ZNF880: variants seen among roughly 807,000 people sequenced by gnomAD.
ZNF880 encodes the protein zinc finger protein 880, also known as zinc finger protein LOC400713.
ZNF880 carries 12 observed loss-of-function variants against 11.8 expected under a neutral mutation model. The ratio of observed to expected loss-of-function variants is 1.02; its 90% CI spans 0.65 to 1.65. The LOEUF (loss-of-function observed/expected upper bound fraction) is 1.65. Among genes scored for constraint, ZNF880 ranks in the 40% most tolerant of loss-of-function variants. ZNF880 has a pLI of 0.00. For synonymous variants in ZNF880, 210 were observed against 232.4 expected, an observed-to-expected ratio of 0.90 and a Z score of 0.88; for missense variants, 601 against 673.9, an observed-to-expected ratio of 0.89 and a Z score of 1.20.
At chr19:52,397,565 C>G in the ZNF880 span, 1 of 151,972 alleles carries the variant, frequency 6.6e-6, no homozygotes, top group Non-Finnish European at 1.5e-5. Context: ...TACTCTCTCT[C>G]TTCTCTCTCT....
chr19:52,366,949 A>C, upstream of ZNF880: 1 of 573,922 alleles, frequency 1.7e-6, no homozygotes, highest in South Asian at 2.5e-5. Flanking sequence ...ATATATAAAT[A>C]ATCTATAAAG....
the ZNF880 span, among the ~76,000 whole-genome samples, chr19:52,393,065 T>C: frequency 2.9e-5 from 4 of 138,768 alleles, no homozygotes; most frequent in African/African-American, 1.1e-4. Context: ...TAAATCCTGT[T>C]AGTTTTTTTT....
upstream of ZNF880, chr19:52,369,896 C>T (rs965769527): frequency 1.5e-5 from 23 of 1,548,720 alleles, no homozygotes; most frequent in Middle Eastern, 5.0e-4. Flanking sequence ...CGGGCCTGGC[C>T]TCGCCTCGCC....
chr19:52,376,424 G>A (rs1986552102), intron 3 of ZNF880, among the ~76,000 whole-genome samples: 1 of 150,086 alleles, frequency 6.7e-6, no homozygotes, highest in Non-Finnish European at 1.5e-5. Flanking sequence ...GTGATGTGGA[G>A]TCTTTCTTCA....
Position 52,384,747 on chromosome 19 carries a change from C to G in ZNF880, c.1167C>G (p.Phe389Leu), listed in dbSNP as rs764874936. The G allele has an allele frequency of 7.1e-6, 9 of 1,261,792 alleles. No individual in the cohort carries two copies. The East Asian group carries it at 2.3e-4, about 32-fold the overall frequency. 78.2% of individuals were successfully genotyped at this position (1,261,792 alleles called of 1,614,324 possible). The change falls in exon 4 of 4, where the codon TTC (phenylalanine) becomes TTG (leucine). Residue 389 changes from phenylalanine to leucine, a missense_variant. Physicochemically the swap from Phe to Leu is conservative, Grantham distance 22. This residue lies in a region of ZNF880 where 4 missense variants were observed against 16.7 expected (regional missense o/e 0.24). Transcript: ENST00000422689. ...AATGTAAAGAATGTGGCAAGGTCTTCAGGCACAAGTTTTGTCTAACCAATC... is the reference window on the plus strand; with the variant it reads ...AATGTAAAGAATGTGGCAAGGTCTTGAGGCACAAGTTTTGTCTAACCAATC... ...PYECKECGKVFRHKFCLTNHH... is the reference protein window; with the variant it reads ...PYECKECGKVLRHKFCLTNHH...
the ZNF880 span, chr19:52,397,183 C>G: frequency 6.7e-6 from 1 of 148,886 alleles, no homozygotes; most frequent in South Asian, 2.2e-4. Context: ...GGTGACTTAT[C>G]TTCACACTGG....
chr19:52,375,979 G>GT (rs1262431697), intron 3 of ZNF880, among the ~76,000 whole-genome samples: 1 of 152,150 alleles, frequency 6.6e-6, no homozygotes, highest in East Asian at 1.9e-4. Flanking sequence ...TTCTATCCAG[G>GT]TTGCTGCAAA....
chr19:52,369,808 C>G, upstream of ZNF880: 1 of 822,542 alleles, frequency 1.2e-6, no homozygotes, highest in Non-Finnish European at 2.0e-6. Flanking sequence ...CTTCCAGTCT[C>G]CACGGCAGGT....
At chr19:52,393,277 T>A in the ZNF880 span, among the ~76,000 whole-genome samples, 2 of 151,604 alleles carry the variant, frequency 1.3e-5, no homozygotes, top group Non-Finnish European at 2.9e-5. Flanking sequence ...TTCACCAAGT[T>A]GGCCAGGCTG....
At chr19:52,372,627 T>C (rs116083438) in intron 1 of ZNF880, among the ~76,000 whole-genome samples, 3,912 of 147,392 alleles carry the variant, frequency 0.027, 164 homozygotes, top group African/African-American at 0.092. Flanking sequence ...AGGTTGGGCA[T>C]GCAGTGGCTC....
chr19:52,389,232 T>C (rs1055125727), downstream of ZNF880: 7 of 152,198 alleles, frequency 4.6e-5, no homozygotes, highest in South Asian at 4.1e-4. Flanking sequence ...CAAAGTCTTA[T>C]TTCAGCATTA....
rs759826917 is a variant in ZNF880 at position 52,384,280 on chromosome 19, C to T, written c.700C>T (p.His234Tyr). ...AAACCTTGTACAACATCAAAGAATT[C>T]ATACTGGAGAGAAGCCTTACAAGTG... ...SSNLVQHQRI[H>Y]TGEKPYKCHE... The change falls in exon 4 of 4, where the codon CAT becomes TAT. Residue 234 changes from histidine to tyrosine, a missense_variant. By Grantham distance (83) the His-to-Tyr change is moderately conservative (BLOSUM62 2). Around this residue, in one of 3 missense-constraint regions of ZNF880, gnomAD observed 420 missense variants for 442.6 expected, o/e 0.95. Coordinates refer to ENST00000422689, the MANE Select transcript of ZNF880 (RefSeq NM_001145434.2). 4 of 1,612,630 alleles carry T rather than the reference C, an allele frequency of 2.5e-6. No homozygotes were observed. In the South Asian group the frequency reaches 4.4e-5, roughly 18 times the overall value.
chr19:52,393,537 G>A, the ZNF880 span, among the ~76,000 whole-genome samples: 1 of 152,006 alleles, frequency 6.6e-6, no homozygotes, highest in African/African-American at 2.4e-5. Flanking sequence ...CACATGAAGT[G>A]ATACCAATCT....
chr19:52,390,081 G>T (rs2058702055), downstream of ZNF880: 1 of 156,892 alleles, frequency 6.4e-6, no homozygotes, highest in Non-Finnish European at 1.4e-5. Context: ...AAATACCCGA[G>T]ACTGGGTAAT....
At chr19:52,389,260 C>G (rs1360820205), downstream of ZNF880, 1 of 152,168 alleles carries the variant, frequency 6.6e-6, no homozygotes, top group African/African-American at 2.4e-5. Context: ...AGTCCACAGT[C>G]CAAAGTTTCA....
At chr19:52,376,505 C>T (rs748599761) in intron 3 of ZNF880, among the ~76,000 whole-genome samples, 1 of 103,144 alleles carries the variant, frequency 9.7e-6, no homozygotes, top group Non-Finnish European at 2.0e-5. Flanking sequence ...CGCCCCCCCC[C>T]CCCCTTTTTT....
upstream of ZNF880, chr19:52,369,824 C>G (rs1431648102): frequency 9.4e-7 from 1 of 1,063,616 alleles, no homozygotes; most frequent in Non-Finnish European, 1.4e-6. Context: ...CAGGTCTAGC[C>G]TCCAAAACGA....
intron 3 of ZNF880, among the ~76,000 whole-genome samples, chr19:52,381,648 AT>A (rs34824772): frequency 1.3e-5 from 2 of 151,786 alleles, no homozygotes; most frequent in Non-Finnish European, 2.9e-5. Flanking sequence ...AATCTTGTAG[AT>A]TTTTTTCCCC....
downstream of ZNF880, among the ~76,000 whole-genome samples, chr19:52,386,171 CA>C (rs10674709): frequency 8.3e-4 from 64 of 77,348 alleles, 1 homozygote; most frequent in Middle Eastern, 7.0e-3. Context: ...GACTCTGTCT[CA>C]AAAAAAAAAA....
Sources: allele counts gnomAD v4.1 joint callset (sites outside exome capture counted in the v4.1 genomes callset), GRCh38; gene constraint gnomAD v4.1.1; regional missense constraint gnomAD v4.1.1; transcripts MANE v1.5; gene names NCBI Gene and HGNC (gene_info 2026-07-23, HGNC 2026-07-21).